Variants in MAPK9 observed in about 807,000 individuals in gnomAD.
The protein encoded by MAPK9 is mitogen-activated protein kinase 9.
In MAPK9, 30 loss-of-function variants were observed where a neutral mutation model predicts 57.1. The observed-to-expected ratio is 0.53, with a 90% CI of 0.39 to 0.71. The LOEUF (loss-of-function observed/expected upper bound fraction) is 0.71, where lower values mean the gene tolerates loss of function less well. Among genes scored for constraint, MAPK9 ranks in the 30% least tolerant of loss-of-function variants. The pLI is 0.00. For synonymous variants in MAPK9, 155 were observed against 177.0 expected, an observed-to-expected ratio of 0.88 and a Z score of 0.99; for missense variants, 362 against 521.0, an observed-to-expected ratio of 0.69 and a Z score of 2.97.
At chr5:180,245,683 A>C (rs759823506) in intron 7 of MAPK9, among the ~76,000 whole-genome samples, 20 of 152,170 alleles carry the variant, frequency 1.3e-4, no homozygotes, top group Non-Finnish European at 2.2e-4. Flanking sequence ...CAGAAGGGGA[A>C]ACCAAGGCTC....
chr5:180,275,889 T>G (rs1761765909), intron 2 of MAPK9, among the ~76,000 whole-genome samples: 2 of 152,232 alleles, frequency 1.3e-5, no homozygotes, highest in East Asian at 3.8e-4. Flanking sequence ...ATCACAAGAT[T>G]CAAGCTACTT....
At position 180,254,123 on chromosome 5, in the gene MAPK9, C is replaced by A. The variant is rs35857411; in HGVS notation, c.451-4985G>T. On this transcript the variant is annotated intron_variant, in intron 5 of 11. Transcript: ENST00000452135. ...CTGGGATTATAGGCACCTGCCACCA[C>A]GCCCAGCTAATTTTTATATTTTTAG... Among the ~76,000 whole-genome samples the A allele has an allele frequency of 3.4e-3, 522 of 152,264 alleles. 1 individual carries two copies. Among genetic ancestry groups the A allele is most frequent in the Non-Finnish European group, 6.2e-3 (425 of 68,022 alleles).
At chr5:180,259,524 A>G (rs961958166) in intron 5 of MAPK9, among the ~76,000 whole-genome samples, 1 of 152,054 alleles carries the variant, frequency 6.6e-6, no homozygotes, top group Non-Finnish European at 1.5e-5. Context: ...AAGAACTCAC[A>G]CTGGAGAGAA....
chr5:180,259,027 CTG>C (rs1349375382), intron 5 of MAPK9, among the ~76,000 whole-genome samples: 3 of 129,862 alleles, frequency 2.3e-5, no homozygotes, highest in Non-Finnish European at 3.3e-5. Context: ...GAGCAAGACT[CTG>C]TTTCAAAAAA....
rs780562313 is a variant in MAPK9, at chr5:180,241,078, G to A, written c.949C>T (p.Arg317Cys). The A allele has an allele frequency of 1.9e-6, 3 of 1,613,974 alleles. No homozygotes were observed. The highest frequency in any genetic ancestry group is 2.5e-6 in the Non-Finnish European group (3 of 1,179,964). The change falls in exon 9 of 12, where the codon CGT becomes TGT. Residue 317 changes from arginine (R) to cysteine (C), a missense_variant. Physicochemically the swap from Arg to Cys is radical, Grantham distance 180. Around this residue, in one of 3 missense-constraint regions of MAPK9, gnomAD observed 199 missense variants for 251.3 expected, o/e 0.79. Transcript: ENST00000452135. The stretch of plus-strand genomic sequence containing the variant: ...TACCAAACAGTGATGTATGGGTGAC[G>A]CAGAGCTTCGTCTACAGAGATCCGC... ...DKRISVDEAL[R>C]HPYITVWYDP... is the part of the protein sequence containing the mutation.
chr5:180,251,908 A>G (rs1758745817), intron 5 of MAPK9, among the ~76,000 whole-genome samples: 1 of 152,152 alleles, frequency 6.6e-6, no homozygotes, highest in South Asian at 2.1e-4. Flanking sequence ...CCCAGGAAGG[A>G]GCACATCATG....
chr5:180,282,071 T>C (rs1762362053), intron 1 of MAPK9, among the ~76,000 whole-genome samples: 1 of 152,214 alleles, frequency 6.6e-6, no homozygotes, highest in African/African-American at 2.4e-5. Context: ...CTCTAAGCTA[T>C]AGGAGGTGCG....
chr5:180,279,182 T>C (rs891542742), intron 2 of MAPK9, among the ~76,000 whole-genome samples: 1 of 152,176 alleles, frequency 6.6e-6, no homozygotes, highest in South Asian at 2.1e-4. Context: ...GGTCTCGATC[T>C]CTTGACCTCG....
Position 180,267,414 on chromosome 5 carries a change from T to G in MAPK9, c.252+1866A>C, listed in dbSNP as rs578235888. 9.7e-4 allele frequency among the ~76,000 whole-genome samples: 147 copies of G among 151,586 alleles called. No homozygotes were observed. In the South Asian group the frequency reaches 0.014, roughly 14 times the overall value. On this transcript the variant is annotated intron_variant, in intron 3 of 11. Coordinates refer to ENST00000452135, the MANE Select transcript of MAPK9 (RefSeq NM_002752.5). ...TGTCTCTACTAAAAATACAAAAAAT[T>G]AGCTGGGTGTGGTGGCGGGCACCTG... is the stretch of plus-strand genomic sequence containing the variant.
intron 1 of MAPK9, among the ~76,000 whole-genome samples, chr5:180,285,490 G>A (rs1015581543): frequency 6.6e-6 from 1 of 152,152 alleles, no homozygotes; most frequent in Non-Finnish European, 1.5e-5. Context: ...ACAGACTCAA[G>A]TGAACCTTTC....
rs572425743 is a variant in MAPK9, at chr5:180,291,220, T to C, written c.-48+628A>G. Among the ~76,000 whole-genome samples, 11 of 149,164 alleles carry C rather than the reference T, an allele frequency of 7.4e-5. No homozygotes were observed. The South Asian group carries it at 2.3e-3, about 31-fold the overall frequency. ...GCAGTCTTCTGGGGGAGGGGCGCGG[T>C]GGTAAGGGATTCGGGCTGGGTCCCC... On this transcript the variant is annotated intron_variant, in intron 1 of 11. Transcript: ENST00000452135.
At chr5:180,255,717 C>T (rs993886733) in intron 5 of MAPK9, among the ~76,000 whole-genome samples, 8 of 152,088 alleles carry the variant, frequency 5.3e-5, no homozygotes, top group Non-Finnish European at 1.0e-4. Context: ...GGGAGGAGGG[C>T]GAGGAAGGCC....
At chr5:180,272,403 C>T (rs1761416067) in intron 2 of MAPK9, among the ~76,000 whole-genome samples, 1 of 152,224 alleles carries the variant, frequency 6.6e-6, no homozygotes, top group South Asian at 2.1e-4. Context: ...ATGCCCGATA[C>T]TGTACTGATT....
At chr5:180,272,682 A>G (rs1761446673) in intron 2 of MAPK9, among the ~76,000 whole-genome samples, 1 of 152,204 alleles carries the variant, frequency 6.6e-6, no homozygotes, top group Non-Finnish European at 1.5e-5. Context: ...TGCTGTATGT[A>G]GCTATAACTC....
At chr5:180,264,916 ATT>A in intron 3 of MAPK9, 77 bp from the exon 4 acceptor site, 1 of 1,184,570 alleles carries the variant, frequency 8.4e-7, no homozygotes, top group Admixed American at 3.4e-5. Flanking sequence ...ATTGAAATGC[ATT>A]AAGACGGGAA....
chr5:180,258,658 T>A (rs148406611), intron 5 of MAPK9, among the ~76,000 whole-genome samples: 121 of 152,038 alleles, frequency 8.0e-4, no homozygotes, highest in Middle Eastern at 3.4e-3. Flanking sequence ...ATGTCAAAAA[T>A]GGGATAAAGG....
chr5:180,279,829 C>T (rs141438415), intron 2 of MAPK9: 8 of 456,454 alleles, frequency 1.8e-5, no homozygotes, highest in East Asian at 6.9e-5. Flanking sequence ...GGCGGCTGAC[C>T]GTCTTACCAT....
intron 1 of MAPK9, among the ~76,000 whole-genome samples, chr5:180,288,420 T>A (rs1762956757): frequency 6.6e-6 from 1 of 152,234 alleles, no homozygotes; most frequent in African/African-American, 2.4e-5. Flanking sequence ...CTAAAATTCA[T>A]GGGGCAGCTG....
At chr5:180,274,654 A>C (rs1255867687) in intron 2 of MAPK9, among the ~76,000 whole-genome samples, 2 of 152,234 alleles carry the variant, frequency 1.3e-5, no homozygotes, top group African/African-American at 4.8e-5. Flanking sequence ...CTGTGAGCTG[A>C]GCCCAGCCCA....
Sources: gnomAD v4.1 joint callset for allele counts (sites outside exome capture counted in the v4.1 genomes callset) on GRCh38, gnomAD v4.1.1 for gene constraint, gnomAD v4.1.1 regional missense constraint, MANE v1.5 for transcripts, NCBI Gene and HGNC (gene_info 2026-07-23, HGNC 2026-07-21) for gene names.